CNTNAP2: variants seen among roughly 807,000 people sequenced by gnomAD.
The protein encoded by CNTNAP2 is contactin associated protein 2, also known as contactin-associated protein-like 2.
A neutral mutation model predicts 155.2 loss-of-function variants in CNTNAP2; 98 were observed. The observed-to-expected ratio is 0.63, with a 90% CI of 0.54 to 0.75. The LOEUF is 0.75. Among genes scored for constraint, CNTNAP2 ranks in the 30% least tolerant of loss-of-function variants. CNTNAP2 has a pLI of 0.00. For synonymous variants in CNTNAP2, 651 were observed against 631.2 expected, an observed-to-expected ratio of 1.03 and a Z score of -0.47; for missense variants, 1,727 against 1,688.1, an observed-to-expected ratio of 1.02 and a Z score of -0.40.
chr7:147,103,912 A>T (rs1800703790), intron 4 of CNTNAP2, among the ~76,000 whole-genome samples: 1 of 152,100 alleles, frequency 6.6e-6, no homozygotes, highest in South Asian at 2.1e-4. Context: ...GGTCAAGGTT[A>T]TGAAAGACAA....
intron 11 of CNTNAP2, among the ~76,000 whole-genome samples, chr7:147,523,041 A>G (rs1383041626): frequency 6.6e-6 from 1 of 152,190 alleles, no homozygotes. Context: ...GTGGGTCAAG[A>G]TTTCAGGCAC....
intron 16 of CNTNAP2, among the ~76,000 whole-genome samples, chr7:148,125,881 T>G (rs1804708361): frequency 6.6e-6 from 1 of 151,924 alleles, no homozygotes; most frequent in East Asian, 1.9e-4. Flanking sequence ...TTTTATATTT[T>G]TAGTAGAGAC....
At chr7:146,563,180 C>A (rs1798306153) in intron 1 of CNTNAP2, among the ~76,000 whole-genome samples, 1 of 152,156 alleles carries the variant, frequency 6.6e-6, no homozygotes, top group South Asian at 2.1e-4. Context: ...CTGTCACAGC[C>A]AAATGTTTTG....
In CNTNAP2 at chr7:147,558,837, G is replaced by A. The variant is rs571819002; in HGVS notation, c.1778-3301G>A. 1.6e-3 allele frequency among the ~76,000 whole-genome samples: 250 copies of A among 152,046 alleles called. 1 individual carries two copies. Among genetic ancestry groups the A allele is most frequent in the South Asian group, 2.7e-3 (13 of 4,812 alleles). ...ATCTCACTGCATCCTTCGCCTCCTG[G>A]GTTCAAGCGATTCTCCTGCCTTAGC... On this transcript the variant is annotated intron_variant, in intron 11 of 23. Coordinates refer to ENST00000361727, the MANE Select transcript of CNTNAP2 (RefSeq NM_014141.6).
chr7:147,574,956 A>G (rs1485772061), intron 12 of CNTNAP2, among the ~76,000 whole-genome samples: 1 of 152,148 alleles, frequency 6.6e-6, no homozygotes. Context: ...TTATGGATTC[A>G]TGGTCGAAAG....
chr7:146,264,647 G>C (rs1799966992), intron 1 of CNTNAP2, among the ~76,000 whole-genome samples: 1 of 152,188 alleles, frequency 6.6e-6, no homozygotes, highest in Non-Finnish European at 1.5e-5. Context: ...GGGGTTATCT[G>C]ATGGTAGGGA....
At chr7:146,821,284 T>G (rs557168988) in intron 2 of CNTNAP2, among the ~76,000 whole-genome samples, 146 of 152,296 alleles carry the variant, frequency 9.6e-4, no homozygotes, top group Non-Finnish European at 1.9e-3. Context: ...TTTTGGCATG[T>G]TTTTGCAGTG....
intron 4 of CNTNAP2, among the ~76,000 whole-genome samples, chr7:147,096,517 GTC>G: frequency 6.6e-6 from 1 of 152,220 alleles, no homozygotes; most frequent in East Asian, 1.9e-4. Flanking sequence ...AGGGAAATAT[GTC>G]TCTCTTGGTC....
At chr7:147,392,236 C>T (rs1796731643) in intron 9 of CNTNAP2, among the ~76,000 whole-genome samples, 1 of 152,026 alleles carries the variant, frequency 6.6e-6, no homozygotes, top group African/African-American at 2.4e-5. Context: ...GCCTGTCCCG[C>T]TAACTTGCAT....
At position 147,876,660 on chromosome 7, in the gene CNTNAP2, T is replaced by C. The variant is rs1029573913; in HGVS notation, c.2099-26905T>C. Among the ~76,000 whole-genome samples, 10 of 151,526 alleles carry C rather than the reference T, an allele frequency of 6.6e-5. No individual in the cohort carries two copies. In the East Asian group the frequency reaches 1.7e-3, roughly 26 times the overall value. On this transcript the variant is annotated intron_variant, in intron 13 of 23. Transcript: ENST00000361727. Reference sequence around the variant, plus strand: ...TTTTTTAAATAGCAGTTAGGGGGAGTGATATTCCCCTACTTTGCTCTGTTT... The same window carrying C: ...TTTTTTAAATAGCAGTTAGGGGGAGCGATATTCCCCTACTTTGCTCTGTTT...
At chr7:147,977,409 G>A (rs1034701223) in intron 14 of CNTNAP2, among the ~76,000 whole-genome samples, 3 of 152,220 alleles carry the variant, frequency 2.0e-5, no homozygotes, top group African/African-American at 7.2e-5. Flanking sequence ...AACAAAAGGT[G>A]TCCCTTATTT....
intron 3 of CNTNAP2, among the ~76,000 whole-genome samples, chr7:146,977,729 A>G (rs1439391851): frequency 1.3e-5 from 2 of 152,198 alleles, no homozygotes; most frequent in South Asian, 4.1e-4. Context: ...AAATTTATGT[A>G]TGTATTTATT....
At position 146,583,472 on chromosome 7, in the gene CNTNAP2, C is replaced by T. The variant is rs533341972; in HGVS notation, c.98-190799C>T. Among the ~76,000 whole-genome samples the T allele has an allele frequency of 8.4e-4, 128 of 152,192 alleles. 3 individuals carry two copies. The South Asian group carries it at 0.025, about 30-fold the overall frequency. ...TCTGAAGGGAGAAGGAAGGCAACGA[C>T]GGCTCACAGATTCCTCATCACCAAA... On this transcript the variant is annotated intron_variant, in intron 1 of 23. Coordinates refer to ENST00000361727, the MANE Select transcript of CNTNAP2 (RefSeq NM_014141.6).
intron 13 of CNTNAP2, among the ~76,000 whole-genome samples, chr7:147,881,462 G>T (rs1799518748): frequency 6.6e-6 from 1 of 152,168 alleles, no homozygotes; most frequent in Non-Finnish European, 1.5e-5. Context: ...TTATTGTTAT[G>T]AACCTTTGTA....
At chr7:148,314,917 C>T (rs904829677) in intron 21 of CNTNAP2, among the ~76,000 whole-genome samples, 1 of 152,140 alleles carries the variant, frequency 6.6e-6, no homozygotes, top group Non-Finnish European at 1.5e-5. Flanking sequence ...TAAAACGTGT[C>T]TCCTTCGTCT....
intron 1 of CNTNAP2, among the ~76,000 whole-genome samples, chr7:146,555,579 AAG>A (rs1798186876): frequency 1.3e-5 from 2 of 152,240 alleles, no homozygotes; most frequent in African/African-American, 4.8e-5. Flanking sequence ...ATTCACAAAA[AAG>A]AAGCCATGAG....
At chr7:147,538,364 A>G (rs903998212) in intron 11 of CNTNAP2, among the ~76,000 whole-genome samples, 5 of 152,190 alleles carry the variant, frequency 3.3e-5, no homozygotes, top group African/African-American at 1.2e-4. Flanking sequence ...AACAAAAAAC[A>G]CATTAGGCCA....
intron 13 of CNTNAP2, among the ~76,000 whole-genome samples, chr7:147,799,798 G>A (rs1467252512): frequency 1.3e-5 from 2 of 152,150 alleles, no homozygotes; most frequent in African/African-American, 4.8e-5. Flanking sequence ...CATTGCTAAG[G>A]CAGAAAATCA....
At chr7:148,125,941 G>A (rs1452769654) in intron 16 of CNTNAP2, among the ~76,000 whole-genome samples, 1 of 151,970 alleles carries the variant, frequency 6.6e-6, no homozygotes, top group Non-Finnish European at 1.5e-5. Context: ...GACCTCAAGT[G>A]ATCTGCCTGC....
Sources: gnomAD v4.1 joint callset for allele counts (sites outside exome capture counted in the v4.1 genomes callset) on GRCh38, gnomAD v4.1.1 for gene constraint, MANE v1.5 for transcripts, NCBI Gene and HGNC (gene_info 2026-07-23, HGNC 2026-07-21) for gene names.